AHR: variants seen among roughly 807,000 people sequenced by gnomAD.
AHR encodes AH-receptor.
In AHR, 40 loss-of-function variants were observed where a neutral mutation model predicts 86.8. The observed-to-expected ratio is 0.46, with a 90% CI of 0.36 to 0.60. The LOEUF is 0.60. Among genes scored for constraint, AHR ranks in the 20% least tolerant of loss-of-function variants. AHR has a pLI of 0.00. For missense variants in AHR, 1,001 were observed against 1,011.6 expected, an observed-to-expected ratio of 0.99 and a Z score of 0.14; for synonymous variants, 398 against 354.9, an observed-to-expected ratio of 1.12 and a Z score of -1.37.
chr7:17,308,497 A>T (rs1782028129), intron 1 of AHR, among the ~76,000 whole-genome samples: 1 of 152,238 alleles, frequency 6.6e-6, no homozygotes, highest in South Asian at 2.1e-4. Context: ...GTAGAGAATT[A>T]CACAATGAGG....
intron 1 of AHR, 94 bp from the exon 2 acceptor site, chr7:17,309,842 T>G (rs901959284): frequency 9.2e-7 from 1 of 1,081,704 alleles, no homozygotes; most frequent in African/African-American, 1.6e-5. Context: ...GTTTGTTGTG[T>G]TAGAGAAATA....
At chr7:17,304,782 G>C (rs933201316) in intron 1 of AHR, among the ~76,000 whole-genome samples, 1 of 152,054 alleles carries the variant, frequency 6.6e-6, no homozygotes, top group African/African-American at 2.4e-5. Context: ...TCCCAGTACA[G>C]TACCATGCAC....
chr7:17,325,417 A>G (rs944496182), intron 3 of AHR, among the ~76,000 whole-genome samples: 4 of 152,218 alleles, frequency 2.6e-5, no homozygotes, highest in African/African-American at 9.7e-5. Context: ...AATGTGATCA[A>G]TGGATAATCT....
intron 2 of AHR, 31 bp downstream of exon 2, chr7:17,310,154 T>A: frequency 4.5e-6 from 7 of 1,570,302 alleles, no homozygotes; most frequent in South Asian, 1.1e-5. Context: ...TTGTCTACAA[T>A]AACGTATAAA....
chr7:17,317,558 A>G (rs921759907), intron 2 of AHR, among the ~76,000 whole-genome samples: 1 of 152,150 alleles, frequency 6.6e-6, no homozygotes, highest in African/African-American at 2.4e-5. Context: ...AGGGAATTCA[A>G]TCCAGAACAT....
chr7:17,343,334 C>T lies in AHR; in HGVS notation c.*270C>T. ...TCTACATTTCACATTATTCTGGGCA[C>T]CACAAAATATACAAAACTTTATCAG... On this transcript the variant is annotated 3_prime_UTR_variant, in exon 11 of 11. Coordinates refer to ENST00000242057, the MANE Select transcript of AHR (RefSeq NM_001621.5). 1 of 370,842 alleles carries T rather than the reference C, an allele frequency of 2.7e-6. No homozygotes were observed. Among genetic ancestry groups the T allele is most frequent in the Non-Finnish European group, 4.8e-6 (1 of 209,780 alleles). The allele number at this position is 370,842 out of a possible 1,614,324, so 23.0% of individuals were successfully genotyped here.
chr7:17,331,719 A>G (rs1267424052), intron 6 of AHR, among the ~76,000 whole-genome samples: 2 of 151,974 alleles, frequency 1.3e-5, no homozygotes, highest in Admixed American at 1.3e-4. Flanking sequence ...GAACACCTGC[A>G]TAGGAGTTGA....
At chr7:17,332,992 T>C (rs553462281) in intron 6 of AHR, among the ~76,000 whole-genome samples, 10 of 151,998 alleles carry the variant, frequency 6.6e-5, no homozygotes, top group Admixed American at 3.3e-4. Flanking sequence ...TTTCTATGTT[T>C]AGATACACAA....
rs1248841741 is a variant in AHR, at chr7:17,301,988, T to C, written c.65+2659T>C. Among the ~76,000 whole-genome samples, 3 of 152,014 alleles carry C rather than the reference T, an allele frequency of 2.0e-5. No individual in the cohort carries two copies. The East Asian group carries it at 5.8e-4, about 29-fold the overall frequency. The stretch of plus-strand genomic sequence containing the variant: ...AAGAGAACAAATCCTGTGTTTATTT[T>C]ATTCTCTTTGGAAATGAAAGTGTTT... On this transcript the variant is annotated intron_variant, in intron 1 of 10. Coordinates refer to ENST00000242057, the MANE Select transcript of AHR (RefSeq NM_001621.5).
In AHR at chr7:17,299,201, C is replaced by T. The variant is rs1781926294; in HGVS notation, c.-64C>T. ...CGGCCGCCGCAGTGGTCCCAGCCTA[C>T]ACCGGGTTCCGGGGACCCGGCCGCC... On this transcript the variant is annotated 5_prime_UTR_variant, in exon 1 of 11. Coordinates refer to ENST00000242057, the MANE Select transcript of AHR (RefSeq NM_001621.5). The T allele has an allele frequency of 6.4e-7, 1 of 1,569,218 alleles. No individual in the cohort carries two copies. Among genetic ancestry groups the T allele is most frequent in the South Asian group, 1.2e-5 (1 of 86,686 alleles).
intron 2 of AHR, among the ~76,000 whole-genome samples, chr7:17,316,193 AAATGAAAGTGTAAACTGAAATGC>A (rs1782113625): frequency 6.6e-6 from 1 of 152,160 alleles, no homozygotes; most frequent in African/African-American, 2.4e-5. Flanking sequence ...AACTGAAATG[AAATGAAAGTGTAAACTGAAATGC>A]AATGAAAGTG....
At position 17,343,608 on chromosome 7, in the gene AHR, G is replaced by A. The variant is rs1333105113; in HGVS notation, c.*544G>A. 1 of 153,248 alleles carries A rather than the reference G, an allele frequency of 6.5e-6. No individual in the cohort carries two copies. The highest frequency in any genetic ancestry group is 1.5e-5 in the Non-Finnish European group (1 of 68,608). 9.5% of individuals were successfully genotyped at this position (153,248 alleles called of 1,614,324 possible). ...TTTCCTCCTTCACTGTTTCATCTAA[G>A]TGCCTCACATTTTTTTCTACCTATA... On this transcript the variant is annotated 3_prime_UTR_variant, in exon 11 of 11. Coordinates refer to ENST00000242057, the MANE Select transcript of AHR (RefSeq NM_001621.5).
At chr7:17,302,874 C>G (rs1466058676) in intron 1 of AHR, among the ~76,000 whole-genome samples, 1 of 151,724 alleles carries the variant, frequency 6.6e-6, no homozygotes, top group African/African-American at 2.4e-5. Flanking sequence ...AACGTAAATT[C>G]TATTCTTTTA....
At chr7:17,342,269 T>C (rs1449080919) in intron 10 of AHR, among the ~76,000 whole-genome samples, 3 of 152,164 alleles carry the variant, frequency 2.0e-5, no homozygotes, top group African/African-American at 7.2e-5. Context: ...TTTTTTCTAC[T>C]AGCAGTTATA....
rs142412199 is a variant in AHR, at chr7:17,310,067, A to G, written c.197A>G (p.Lys66Arg). 12 of 1,614,070 alleles carry G rather than the reference A, an allele frequency of 7.4e-6. No individual in the cohort carries two copies. The highest frequency in any genetic ancestry group is 1.7e-5 in the Admixed American group (1 of 59,998). The change falls in exon 2 of 11, where the codon AAA (lysine) becomes AGA (arginine). Residue 66 changes from lysine to arginine, a missense_variant. Coordinates refer to ENST00000242057, the MANE Select transcript of AHR (RefSeq NM_001621.5). ...FPQDVINKLD[K>R]LSVLRLSVSY... ...CAAGATGTTATTAATAAGTTGGACAAACTTTCAGTTCTTAGGCTCAGCGTC... is the reference window on the plus strand; with the variant it reads ...CAAGATGTTATTAATAAGTTGGACAGACTTTCAGTTCTTAGGCTCAGCGTC...
chr7:17,323,821 A>T (rs959108754), intron 3 of AHR, among the ~76,000 whole-genome samples: 1 of 152,226 alleles, frequency 6.6e-6, no homozygotes, highest in Non-Finnish European at 1.5e-5. Context: ...GAGGATCTTC[A>T]TGTATATGTA....
Position 17,339,016 on chromosome 7 carries a change from A to G in AHR, c.1191A>G (p.Lys397=). 1 of 1,613,972 alleles carries G rather than the reference A, an allele frequency of 6.2e-7. No homozygotes were observed. ...TDEEGTEHLR[K]RNTKLPFMFT... is the part of the protein sequence containing the mutation. ...AGGAAGGAACAGAGCATTTACGAAA[A>G]CGAAATACGAAGTTGCCTTTTATGT... is the stretch of plus-strand genomic sequence containing the variant. Residue 397 remains lysine (K), a synonymous_variant, in exon 10 of 11, where the codon AAA becomes AAG. Coordinates refer to ENST00000242057, the MANE Select transcript of AHR (RefSeq NM_001621.5).
chr7:17,330,713 A>G, intron 5 of AHR, 43 bp from the exon 6 acceptor site: 1 of 1,509,476 alleles, frequency 6.6e-7, no homozygotes, highest in South Asian at 1.4e-5. Flanking sequence ...TTAATTTTAC[A>G]GCAAAATGGA....
chr7:17,332,700 A>G (rs555543177), intron 6 of AHR, among the ~76,000 whole-genome samples: 6 of 152,134 alleles, frequency 3.9e-5, no homozygotes, highest in Non-Finnish European at 5.9e-5. Flanking sequence ...GCAAAAGTTT[A>G]TGAAGTAAAA....
Sources: allele counts gnomAD v4.1 joint callset (sites outside exome capture counted in the v4.1 genomes callset), GRCh38; gene constraint gnomAD v4.1.1; transcripts MANE v1.5; gene names NCBI Gene and HGNC (gene_info 2026-07-23, HGNC 2026-07-21).